LRRC27: variants seen among roughly 807,000 people sequenced by gnomAD.
LRRC27 encodes the protein leucine-rich repeat-containing protein 27.
In LRRC27, 57 loss-of-function variants were observed where a neutral mutation model predicts 55.0. The ratio of observed to expected loss-of-function variants is 1.04; its 90% confidence interval spans 0.84 to 1.29. LRRC27 has a LOEUF of 1.29. Ranked by LOEUF, LRRC27 falls within the 50% of genes most tolerant of loss-of-function variation. The probability of loss-of-function intolerance (pLI) is 0.00; values close to 1 mark genes in which losing one functional copy is unlikely to be tolerated. For synonymous variants in LRRC27, 278 were observed against 251.9 expected (o/e 1.10, Z -0.98); for missense variants, 721 against 651.5 (o/e 1.11, Z -1.16).
intron 1 of LRRC27, 67 bp downstream of exon 1, chr10:132,332,323 C>G (rs1470280066): frequency 2.0e-5 from 3 of 152,990 alleles, no homozygotes; most frequent in African/African-American, 7.2e-5. Flanking sequence ...AAGGTGGTGC[C>G]TCGGCCCGTC....
At position 132,332,206 on chromosome 10, in the gene LRRC27, T is replaced by C. The variant is rs1422155177; in HGVS notation, c.-99T>C. 1 of 155,136 alleles carries C rather than the reference T, an allele frequency of 6.4e-6. No individual in the cohort carries two copies. The highest frequency in any genetic ancestry group is 1.4e-5 in the Non-Finnish European group (1 of 70,096). 9.6% of individuals were successfully genotyped at this position (155,136 alleles called of 1,614,324 possible). A position where few individuals can be genotyped will look rare whatever the true frequency, so the allele number is the denominator to read the frequency against. On this transcript the variant is annotated 5_prime_UTR_variant, in exon 1 of 11. Transcript: ENST00000368614. ...TGGGTGGCCTCCATTGTCGGGCTGC[T>C]GCTCTCAGCGGCGGGGCTCGCCAGC...
rs2066885019 is a variant in LRRC27 at position 132,332,930 on chromosome 10, A to G, written c.-48-547A>G. Among the ~76,000 whole-genome samples the G allele has an allele frequency of 4.6e-5, 7 of 152,344 alleles. No homozygotes were observed. In the South Asian group the frequency reaches 1.5e-3, roughly 32 times the overall value. Reference sequence around the variant, plus strand: ...TTTTGGTGAACAATACTTCTGAGTAAAAGTGTTGCTGGACAACGAAAATTC... The same window carrying G: ...TTTTGGTGAACAATACTTCTGAGTAGAAGTGTTGCTGGACAACGAAAATTC... On this transcript the variant is annotated intron_variant, in intron 1 of 10. Transcript: ENST00000368614.
intron 8 of LRRC27, among the ~76,000 whole-genome samples, 197 bp downstream of exon 8, chr10:132,356,083 G>T (rs1216879933): frequency 6.6e-6 from 1 of 152,184 alleles, no homozygotes; most frequent in African/African-American, 2.4e-5. Context: ...GGTGGGGCTG[G>T]GTTGGAGTGC....
At position 132,375,254 on chromosome 10, in the gene LRRC27, T is replaced by C; in HGVS notation, c.*12T>C. ...GCAGATACCAGTGACACCAGGTGGC[T>C]GGACTGATGGAGACGTCTTCAGACA... On this transcript the variant is annotated 3_prime_UTR_variant, in exon 11 of 11. Coordinates refer to ENST00000368614, the MANE Select transcript of LRRC27 (RefSeq NM_030626.3). 6.2e-7 allele frequency: 1 copy of C among 1,606,510 alleles called. No individual in the cohort carries two copies. The highest frequency in any genetic ancestry group is 8.5e-7 in the Non-Finnish European group (1 of 1,175,262).
At position 132,336,220 on chromosome 10, in the gene LRRC27, G is replaced by T. The variant is rs189140035; in HGVS notation, c.211-1345G>T. ...AGCACTGGAATCAGCTTGCCCTGGG[G>T]GGGGAAGAACAGGACCAAGAAGTGT... On this transcript the variant is annotated intron_variant, in intron 2 of 10. Coordinates refer to ENST00000368614, the MANE Select transcript of LRRC27 (RefSeq NM_030626.3). Among the ~76,000 whole-genome samples, 1,483 of 151,706 alleles carry T rather than the reference G, an allele frequency of 9.8e-3. 32 individuals are homozygous for T. The highest frequency in any genetic ancestry group is 0.033 in the African/African-American group (1,361 of 40,984).
intron 9 of LRRC27, among the ~76,000 whole-genome samples, chr10:132,364,410 C>CG (rs2068838731): frequency 8.1e-6 from 1 of 122,950 alleles, no homozygotes; most frequent in African/African-American, 2.9e-5. Context: ...TCTACCTCCA[C>CG]ACCCGCGCTT....
chr10:132,343,022 T>C (rs1002774169), intron 4 of LRRC27, among the ~76,000 whole-genome samples: 3 of 152,224 alleles, frequency 2.0e-5, no homozygotes, highest in African/African-American at 7.2e-5. Flanking sequence ...AAAAGAACAG[T>C]TGAGACCACG....
At position 132,348,055 on chromosome 10, in the gene LRRC27, G is replaced by A. The variant is rs778575373; in HGVS notation, c.625G>A (p.Ala209Thr). Reference sequence around the variant, plus strand: ...AGGACTGGAGTTGTCTGGAGACCACGCGTCTAACCAAGGAGCTGTGAACGC... The same window carrying A: ...AGGACTGGAGTTGTCTGGAGACCACACGTCTAACCAAGGAGCTGTGAACGC... ...SPGLELSGDH[A>T]SNQGAVNAQD... Residue 209 changes from alanine to threonine, a missense_variant, in exon 6 of 11, where the codon GCG becomes ACG. Ala to Thr is a moderately conservative substitution (Grantham distance 58). Transcript: ENST00000368614. This position sits in a 1 kb window ranked among gnomAD's most constrained non-coding sequence, Gnocchi z 4.2. 9.3e-6 allele frequency: 15 copies of A among 1,613,858 alleles called. 1 individual carries two copies. Among genetic ancestry groups the A allele is most frequent in the Middle Eastern group, 1.7e-4 (1 of 5,986 alleles).
At chr10:132,341,346 C>T (rs1590617106) in intron 3 of LRRC27, among the ~76,000 whole-genome samples, 1 of 152,190 alleles carries the variant, frequency 6.6e-6, no homozygotes, top group African/African-American at 2.4e-5. Flanking sequence ...GAGATTGTGT[C>T]ACTGCACTCC....
chr10:132,365,595 T>G (rs1255511717), intron 10 of LRRC27, 45 bp downstream of exon 10: 2 of 1,593,244 alleles, frequency 1.3e-6, no homozygotes, highest in African/African-American at 1.4e-5. Context: ...GGGTGTTTTT[T>G]GTTTTGTTTT....
intron 7 of LRRC27, 25 bp from the exon 8 acceptor site, chr10:132,355,765 T>C (rs1245988754): frequency 1.1e-5 from 17 of 1,513,348 alleles, no homozygotes; most frequent in Admixed American, 5.9e-5. Flanking sequence ...CTGTAACTTA[T>C]GACATTAACC....
intron 7 of LRRC27, among the ~76,000 whole-genome samples, chr10:132,355,200 C>T (rs1290365584): frequency 6.6e-6 from 1 of 151,984 alleles, no homozygotes; most frequent in East Asian, 1.9e-4. Context: ...CTCAGCCTCC[C>T]GAGTAGCTGG....
In LRRC27 at chr10:132,333,662, C is replaced by G; in HGVS notation, c.138C>G (p.Ser46=). 6.2e-7 allele frequency: 1 copy of G among 1,613,760 alleles called. No individual in the cohort carries two copies. The highest frequency in any genetic ancestry group is 8.5e-7 in the Non-Finnish European group (1 of 1,180,040). Residue 46 remains serine, a synonymous_variant, in exon 2 of 11, where the codon TCC becomes TCG. Transcript: ENST00000368614. ...GTGTTGGAGGCATCATCTTTTCCTCCTCACCGATTTTAGACTTGAGTGAAA... is the reference window on the plus strand; with the variant it reads ...GTGTTGGAGGCATCATCTTTTCCTCGTCACCGATTTTAGACTTGAGTGAAA... ...HKGVGGIIFS[S]SPILDLSESG...
chr10:132,333,726 A>G lies in LRRC27; in HGVS notation c.202A>G (p.Ser68Gly). 6.2e-7 allele frequency: 1 copy of G among 1,612,852 alleles called. No individual in the cohort carries two copies. The highest frequency in any genetic ancestry group is 8.5e-7 in the Non-Finnish European group (1 of 1,179,936). Residue 68 changes from serine to glycine, a missense_variant, in exon 2 of 11, where the codon AGC (serine) becomes GGC (glycine). Coordinates refer to ENST00000368614, the MANE Select transcript of LRRC27 (RefSeq NM_030626.3). ...CRLEEVFRIP[S>G]LQQLHLQRNA... ...TTTGGAGGAGGTCTTTAGAATCCCC[A>G]GCCTTCAAGTAAGTGGGGCTGCTCC...
chr10:132,344,385 A>C (rs1357876400), intron 4 of LRRC27, 113 bp from the exon 5 acceptor site: 1 of 1,157,434 alleles, frequency 8.6e-7, no homozygotes, highest in Non-Finnish European at 1.2e-6. Context: ...TTTTCCCCCA[A>C]ATACTGAATA....
intron 9 of LRRC27, among the ~76,000 whole-genome samples, chr10:132,364,353 CTCCA>C: frequency 7.9e-6 from 1 of 126,118 alleles, no homozygotes; most frequent in Non-Finnish European, 1.7e-5. Context: ...CTTAATCTAC[CTCCA>C]CACCCGCGCT....
Position 132,361,504 on chromosome 10 carries a change from A to G in LRRC27, c.1218A>G (p.Lys406=), listed in dbSNP as rs752787127. ...PSATDLIDNR[K]VPLNPPGKMK... is the part of the protein sequence containing the mutation. The stretch of plus-strand genomic sequence containing the variant: ...CCACAGATCTGATAGATAACAGGAA[A>G]GTACCACTGAATCCGCCTGGAAAAA... Residue 406 remains lysine, a synonymous_variant, in exon 9 of 11, where the codon AAA becomes AAG. Coordinates refer to ENST00000368614, the MANE Select transcript of LRRC27 (RefSeq NM_030626.3). 2.5e-6 allele frequency: 4 copies of G among 1,613,990 alleles called. No homozygotes were observed. The highest frequency in any genetic ancestry group is 3.4e-6 in the Non-Finnish European group (4 of 1,179,992).
rs138049710 is a variant in LRRC27 at position 132,352,999 on chromosome 10, G to A, written c.1073+1246G>A. ...CACCACCTTGCGAGGTGTGTTGGCC[G>A]ATGGACTCGGTGTCCTCAGTGTCTT... On this transcript the variant is annotated intron_variant, in intron 7 of 10. Coordinates refer to ENST00000368614, the MANE Select transcript of LRRC27 (RefSeq NM_030626.3). The A allele has an allele frequency of 1.9e-4, 301 of 1,610,188 alleles. 1 individual carries two copies. The African/African-American group carries it at 3.5e-3, about 19-fold the overall frequency.
Position 132,372,598 on chromosome 10 carries a change from AG to A in LRRC27, c.1417-2466del, listed in dbSNP as rs1355498393. ...AACAAAAAGGAAGCGGAGTCTATAC[AG>A]GTCACGCCAGGGCCCTGGGTCTGCT... On this transcript the variant is annotated intron_variant, in intron 10 of 10. Coordinates refer to ENST00000368614, the MANE Select transcript of LRRC27 (RefSeq NM_030626.3). The surrounding 1 kb of genome is among the most constrained non-coding windows in gnomAD (Gnocchi z 4.0). Among the ~76,000 whole-genome samples the A allele has an allele frequency of 6.6e-6, 1 of 152,136 alleles. No individual in the cohort carries two copies. The highest frequency in any genetic ancestry group is 6.5e-5 in the Admixed American group (1 of 15,276).
Sources: gnomAD v4.1 joint callset for allele counts (sites outside exome capture counted in the v4.1 genomes callset) on GRCh38, gnomAD v4.1.1 for gene constraint, Gnocchi (gnomAD v3.1) non-coding constraint, MANE v1.5 for transcripts, NCBI Gene and HGNC (gene_info 2026-07-23, HGNC 2026-07-21) for gene names.